MFAP2: variants seen among roughly 807,000 people sequenced by gnomAD.
MFAP2 encodes the protein microfibrillar-associated protein 2.
MFAP2 carries 23 observed loss-of-function variants against 30.6 expected under a neutral mutation model. That is an observed-to-expected ratio of 0.75 (90% confidence interval 0.54 to 1.07). The LOEUF (loss-of-function observed/expected upper bound fraction) is 1.07, where lower values mean the gene tolerates loss of function less well. Ranked by LOEUF, MFAP2 falls within the 50% of genes least tolerant of loss-of-function variation. The pLI, the probability that MFAP2 is intolerant of heterozygous loss-of-function variation, is 0.00. For synonymous variants in MFAP2, 73 were observed against 85.7 expected, an observed-to-expected ratio of 0.85 and a Z score of 0.82; for missense variants, 198 against 223.8, an observed-to-expected ratio of 0.88 and a Z score of 0.74.
rs375978563 is a variant in MFAP2, at chr1:16,976,026, A to G, written c.287-296T>C. 5 of 476,688 alleles carry G rather than the reference A, an allele frequency of 1.0e-5. No individual in the cohort carries two copies. In the East Asian group the frequency reaches 2.0e-4, roughly 19 times the overall value. 29.5% of individuals were successfully genotyped at this position (476,688 alleles called of 1,614,324 possible). A position where few individuals can be genotyped will look rare whatever the true frequency, so the allele number is the denominator to read the frequency against. On this transcript the variant is annotated intron_variant, in intron 6 of 8. Coordinates refer to ENST00000375535, the MANE Select transcript of MFAP2 (RefSeq NM_002403.4). The surrounding 1 kb of genome is among the most constrained non-coding windows in gnomAD (Gnocchi z 5.5). ...TACCAACTCCCGAGCAGACGTGCCC[A>G]CGCTCACAGAAGCCCACATAGGAGC...
intron 1 of MFAP2, among the ~76,000 whole-genome samples, 197 bp from the exon 2 acceptor site, chr1:16,978,511 C>A (rs1269097272): frequency 6.6e-6 from 1 of 152,198 alleles, no homozygotes; most frequent in Non-Finnish European, 1.5e-5. Flanking sequence ...AGGCCTCCAA[C>A]CCAGCTCCAG....
rs1557653866 is a variant in MFAP2 at position 16,975,088 on chromosome 1, C to T, written c.449-65G>A. On this transcript the variant is annotated intron_variant, in intron 8 of 8. Transcript: ENST00000375535. The surrounding 1 kb of genome is among the most constrained non-coding windows in gnomAD (Gnocchi z 5.0). Reference sequence around the variant, plus strand: ...GGGTGATGGGAACCGCTGCCCCTCCCCCAACTCTGGTGATGGGAGTGTTTT... The same window carrying T: ...GGGTGATGGGAACCGCTGCCCCTCCTCCAACTCTGGTGATGGGAGTGTTTT... 2 of 1,378,456 alleles carry T rather than the reference C, an allele frequency of 1.5e-6. No individual in the cohort carries two copies. Among genetic ancestry groups the T allele is most frequent in the East Asian group, 2.5e-5 (1 of 40,278 alleles). The allele number at this position is 1,378,456 out of a possible 1,614,324, so 85.4% of individuals were successfully genotyped here. A position where few individuals can be genotyped will look rare whatever the true frequency, so the allele number is the denominator to read the frequency against.
At chr1:16,981,253 G>C (rs2100592574), upstream of MFAP2, among the ~76,000 whole-genome samples, 1 of 152,294 alleles carries the variant, frequency 6.6e-6, no homozygotes, top group South Asian at 2.1e-4. Context: ...GGGCTGTTGG[G>C]ATTACAGGCA....
chr1:16,976,587 T>C lies in MFAP2; in HGVS notation c.242-42A>G. 3 of 1,613,342 alleles carry C rather than the reference T, an allele frequency of 1.9e-6. No individual in the cohort carries two copies. The highest frequency in any genetic ancestry group is 1.7e-6 in the Non-Finnish European group (2 of 1,179,668). ...GGTAGGCAGACATCACTGGGAGGGGTCTCCTCAGGGCAAGGGGAGTCACCT... is the reference window on the plus strand; with the variant it reads ...GGTAGGCAGACATCACTGGGAGGGGCCTCCTCAGGGCAAGGGGAGTCACCT... On this transcript the variant is annotated intron_variant, in intron 5 of 8. Coordinates refer to ENST00000375535, the MANE Select transcript of MFAP2 (RefSeq NM_002403.4). The surrounding 1 kb of genome is among the most constrained non-coding windows in gnomAD (Gnocchi z 5.5).
Position 16,976,010 on chromosome 1 carries a change from C to T in MFAP2, c.287-280G>A, listed in dbSNP as rs1046510585. ...TCGCCACAAAAGCCCATACCAACTC[C>T]CGAGCAGACGTGCCCACGCTCACAG... is the stretch of plus-strand genomic sequence containing the variant. On this transcript the variant is annotated intron_variant, in intron 6 of 8. Transcript: ENST00000375535. This position sits in a 1 kb window ranked among gnomAD's most constrained non-coding sequence, Gnocchi z 5.5. Among the ~76,000 whole-genome samples the T allele has an allele frequency of 2.0e-5, 3 of 152,166 alleles. No homozygotes were observed. The East Asian group carries it at 5.8e-4, about 29-fold the overall frequency.
rs2076593769 is a variant in MFAP2 at position 16,976,643 on chromosome 1, G to A, written c.241+65C>T. On this transcript the variant is annotated intron_variant, in intron 5 of 8. Transcript: ENST00000375535. The surrounding 1 kb of genome is among the most constrained non-coding windows in gnomAD (Gnocchi z 5.5). The stretch of plus-strand genomic sequence containing the variant: ...AGCCCTGGCAGACCCCCACTCCCAG[G>A]GTTGACAGGGTGGGGAGGGGTGAGG... The A allele has an allele frequency of 6.2e-7, 1 of 1,609,948 alleles. No homozygotes were observed. The highest frequency in any genetic ancestry group is 1.7e-5 in the Admixed American group (1 of 59,826).
At position 16,976,607 on chromosome 1, in the gene MFAP2, T is replaced by A; in HGVS notation, c.242-62A>T. 1 of 1,610,994 alleles carries A rather than the reference T, an allele frequency of 6.2e-7. No individual in the cohort carries two copies. Among genetic ancestry groups the A allele is most frequent in the Non-Finnish European group, 8.5e-7 (1 of 1,177,762 alleles). On this transcript the variant is annotated intron_variant, in intron 5 of 8. Transcript: ENST00000375535. This position sits in a 1 kb window ranked among gnomAD's most constrained non-coding sequence, Gnocchi z 5.5. ...AGGGGTCTCCTCAGGGCAAGGGGAG[T>A]CACCTCTCCCAGCCCTGGCAGACCC...
chr1:16,981,326 A>T (rs1034588571), upstream of MFAP2, among the ~76,000 whole-genome samples: 1 of 152,164 alleles, frequency 6.6e-6, no homozygotes. Flanking sequence ...TATGTGTCCC[A>T]CAAATGTCCT....
In MFAP2 at chr1:16,976,933, A is replaced by C. The variant is rs755220111; in HGVS notation, c.128-10T>G. 2.5e-6 allele frequency: 4 copies of C among 1,614,050 alleles called. No individual in the cohort carries two copies. The highest frequency in any genetic ancestry group is 3.4e-6 in the Non-Finnish European group (4 of 1,179,996). ...TAGTAGTCTGGGTTGTCTGCAAACA[A>C]AGATGAAAGTGGAATTGGTGGGAGT... is the stretch of plus-strand genomic sequence containing the variant. On this transcript the variant is annotated splice_polypyrimidine_tract_variant and intron_variant, in intron 3 of 8. Transcript: ENST00000375535. This position sits in a 1 kb window ranked among gnomAD's most constrained non-coding sequence, Gnocchi z 5.5.
upstream of MFAP2, among the ~76,000 whole-genome samples, chr1:16,981,032 T>C (rs1472645432): frequency 6.6e-6 from 1 of 152,152 alleles, no homozygotes; most frequent in Non-Finnish European, 1.5e-5. Context: ...GCCTTGGTTT[T>C]CCTTCTGCCT....
chr1:16,979,142 G>A (rs956106797), intron 1 of MFAP2: 2 of 152,366 alleles, frequency 1.3e-5, no homozygotes, highest in Admixed American at 6.5e-5. Flanking sequence ...GGAGGGAGAG[G>A]GCATGGGGTC....
intron 1 of MFAP2, among the ~76,000 whole-genome samples, chr1:16,980,266 G>GGGCCCCCCCCCCCCC (rs1557656617): frequency 1.5e-5 from 1 of 66,636 alleles, no homozygotes; most frequent in African/African-American, 6.5e-5. Context: ...ATTCCCACCG[G>GGGCCCCCCCCCCCCC]ACCCCCCCCC....
Position 16,975,106 on chromosome 1 carries a change from AGT to A in MFAP2, c.449-85_449-84del. Reference sequence around the variant, plus strand: ...CCCCTCCCCCAACTCTGGTGATGGGAGTGTTTTGAGGATGAAAAGTAGCAAGG... The same window carrying A: ...CCCCTCCCCCAACTCTGGTGATGGGAGTTTTGAGGATGAAAAGTAGCAAGG... On this transcript the variant is annotated intron_variant, in intron 8 of 8. Transcript: ENST00000375535. The surrounding 1 kb of genome is among the most constrained non-coding windows in gnomAD (Gnocchi z 5.0). 1 of 1,366,270 alleles carries A rather than the reference AGT, an allele frequency of 7.3e-7. No homozygotes were observed. Among genetic ancestry groups the A allele is most frequent in the Non-Finnish European group, 1.0e-6 (1 of 977,454 alleles). The allele number at this position is 1,366,270 out of a possible 1,614,324, so 84.6% of individuals were successfully genotyped here.
rs1209652723 is a variant in MFAP2, at chr1:16,976,130, G to A, written c.286+371C>T. The A allele has an allele frequency of 3.3e-5, 16 of 489,408 alleles. 1 individual carries two copies. The South Asian group carries it at 3.6e-4, about 11-fold the overall frequency. The allele number at this position is 489,408 out of a possible 1,614,324, so 30.3% of individuals were successfully genotyped here. On this transcript the variant is annotated intron_variant, in intron 6 of 8. Transcript: ENST00000375535. The surrounding 1 kb of genome is among the most constrained non-coding windows in gnomAD (Gnocchi z 5.5). ...CCTTGTTCTTTCAAGCTCTCAGCTAGGGCAGCCGGAGGGCACCGCTCAGCC... is the reference window on the plus strand; with the variant it reads ...CCTTGTTCTTTCAAGCTCTCAGCTAAGGCAGCCGGAGGGCACCGCTCAGCC...
chr1:16,978,766 C>T (rs2076613620), intron 1 of MFAP2, among the ~76,000 whole-genome samples: 1 of 152,220 alleles, frequency 6.6e-6, no homozygotes, highest in Non-Finnish European at 1.5e-5. Flanking sequence ...GCCGGCATCA[C>T]CGCCTGGACT....
chr1:16,978,613 CT>C (rs2076612479), intron 1 of MFAP2, among the ~76,000 whole-genome samples: 1 of 152,202 alleles, frequency 6.6e-6, no homozygotes, highest in South Asian at 2.1e-4. Flanking sequence ...GGGGACATTC[CT>C]AATGTGCTCC....
At position 16,975,539 on chromosome 1, in the gene MFAP2, C is replaced by T. The variant is rs892556831; in HGVS notation, c.374+104G>A. 7.6e-7 allele frequency: 1 copy of T among 1,319,844 alleles called. No homozygotes were observed. Among genetic ancestry groups the T allele is most frequent in the Non-Finnish European group, 1.1e-6 (1 of 929,680 alleles). 81.8% of individuals were successfully genotyped at this position (1,319,844 alleles called of 1,614,324 possible). ...GAACTGAGCTCAACTTAAGGACTCA[C>T]TATCTTTCCTCCAACTCCCACCTTG... On this transcript the variant is annotated intron_variant, in intron 7 of 8. Transcript: ENST00000375535. This position sits in a 1 kb window ranked among gnomAD's most constrained non-coding sequence, Gnocchi z 5.0.
chr1:16,977,503 G>T (rs1451290680), intron 2 of MFAP2: 3 of 341,116 alleles, frequency 8.8e-6, no homozygotes, highest in African/African-American at 4.2e-5. Flanking sequence ...GGCCTGTGAG[G>T]CCTGCTCAGC....
chr1:16,980,424 G>A (rs1310526258), intron 1 of MFAP2, among the ~76,000 whole-genome samples, 163 bp downstream of exon 1: 1 of 151,810 alleles, frequency 6.6e-6, no homozygotes, highest in Non-Finnish European at 1.5e-5. Context: ...AACTTTCCAG[G>A]TGCCCCCTTG....
Sources: allele counts gnomAD v4.1 joint callset (sites outside exome capture counted in the v4.1 genomes callset), GRCh38; gene constraint gnomAD v4.1.1; non-coding constraint Gnocchi (gnomAD v3.1); transcripts MANE v1.5; gene names NCBI Gene and HGNC (gene_info 2026-07-23, HGNC 2026-07-21).